The following SLC22A15 variants were observed in gnomAD, a reference collection of about 807,000 sequenced individuals.
The protein encoded by SLC22A15 is flipt 1.
Under a neutral mutation model 62.7 loss-of-function variants are expected in SLC22A15, and 45 were observed. The observed-to-expected ratio is 0.72, with a 90% confidence interval of 0.56 to 0.92. The LOEUF is 0.92. Ranked by LOEUF, SLC22A15 falls within the 40% of genes least tolerant of loss-of-function variation. The pLI, the probability that SLC22A15 is intolerant of heterozygous loss-of-function variation, is 0.00. For synonymous variants in SLC22A15, 264 were observed against 267.0 expected, an observed-to-expected ratio of 0.99 and a Z score of 0.11; for missense variants, 622 against 665.6, an observed-to-expected ratio of 0.93 and a Z score of 0.72.
chr1:116,032,719 A>T, intron 6 of SLC22A15: 1 of 891,372 alleles, frequency 1.1e-6, no homozygotes, highest in Non-Finnish European at 1.3e-6. Flanking sequence ...GATTAAGAAA[A>T]CCGTTGAAAG....
At chr1:116,000,428 A>G (rs1041816371) in intron 2 of SLC22A15, among the ~76,000 whole-genome samples, 3 of 152,006 alleles carry the variant, frequency 2.0e-5, no homozygotes, top group Admixed American at 6.6e-5. Flanking sequence ...TGTTGTTTCT[A>G]TTTATAACTT....
chr1:116,006,264 C>A (rs1324235502), intron 2 of SLC22A15, among the ~76,000 whole-genome samples: 3 of 152,092 alleles, frequency 2.0e-5, no homozygotes, highest in Non-Finnish European at 4.4e-5. Context: ...AGATCCTGCA[C>A]TCCAGGACAA....
chr1:115,982,498 A>G (rs1357609133), intron 1 of SLC22A15, among the ~76,000 whole-genome samples: 1 of 152,196 alleles, frequency 6.6e-6, no homozygotes, highest in Non-Finnish European at 1.5e-5. Context: ...AGGAACAACT[A>G]CATATTTTTT....
Position 115,976,536 on chromosome 1 carries a change from C to A in SLC22A15, c.-92C>A. The A allele has an allele frequency of 1.1e-6, 1 of 871,000 alleles. No individual in the cohort carries two copies. Among genetic ancestry groups the A allele is most frequent in the Non-Finnish European group, 1.6e-6 (1 of 608,176 alleles). 54.0% of individuals were successfully genotyped at this position (871,000 alleles called of 1,614,324 possible). A position where few individuals can be genotyped will look rare whatever the true frequency, so the allele number is the denominator to read the frequency against. ...CCATCCCCGCCCCGGCGGGTCCAAG[C>A]CGGTGCCGGGCGCCCAGGGGTTGCC... On this transcript the variant is annotated 5_prime_UTR_variant, in exon 1 of 12. Coordinates refer to ENST00000369503, the MANE Select transcript of SLC22A15 (RefSeq NM_018420.3).
intron 3 of SLC22A15, among the ~76,000 whole-genome samples, chr1:116,019,980 T>G (rs1570736339): frequency 6.6e-6 from 1 of 152,240 alleles, no homozygotes; most frequent in South Asian, 2.1e-4. Context: ...AACCCCCAAA[T>G]TTTAGTTTAT....
chr1:116,001,977 G>A (rs1397608297), intron 2 of SLC22A15, among the ~76,000 whole-genome samples: 2 of 152,096 alleles, frequency 1.3e-5, no homozygotes, highest in African/African-American at 4.8e-5. Context: ...TGTCTTTCTT[G>A]AGAAGGCTTT....
intron 1 of SLC22A15, among the ~76,000 whole-genome samples, chr1:115,988,180 ATGT>A (rs1433791498): frequency 5.3e-5 from 8 of 152,042 alleles, no homozygotes; most frequent in African/African-American, 1.7e-4. Flanking sequence ...TTTATTTGAG[ATGT>A]TGTTATTCCC....
At chr1:116,004,407 T>A (rs1557880883) in intron 2 of SLC22A15, among the ~76,000 whole-genome samples, 2 of 152,220 alleles carry the variant, frequency 1.3e-5, no homozygotes, top group South Asian at 4.1e-4. Flanking sequence ...GAATTTTTAT[T>A]ATGAATGTAT....
chr1:116,037,727 A>C (rs1178005491), intron 8 of SLC22A15, among the ~76,000 whole-genome samples: 1 of 152,078 alleles, frequency 6.6e-6, no homozygotes, highest in African/African-American at 2.4e-5. Flanking sequence ...TGCAAATTGC[A>C]CTCGTCATTA....
At chr1:116,009,794 G>T (rs1249598164) in intron 2 of SLC22A15, among the ~76,000 whole-genome samples, 1 of 152,078 alleles carries the variant, frequency 6.6e-6, no homozygotes, top group African/African-American at 2.4e-5. Context: ...GTAATGTTTG[G>T]TTCATATTGA....
At chr1:116,036,105 T>A (rs188665990) in intron 7 of SLC22A15, among the ~76,000 whole-genome samples, 1 of 152,270 alleles carries the variant, frequency 6.6e-6, no homozygotes, top group East Asian at 1.9e-4. Context: ...TGAAGGCTTG[T>A]CTCCCAGGGA....
chr1:115,997,797 CTGAT>C (rs1250558467), intron 2 of SLC22A15, among the ~76,000 whole-genome samples: 1 of 151,778 alleles, frequency 6.6e-6, no homozygotes, highest in Admixed American at 6.6e-5. Context: ...TTTCTCTTGT[CTGAT>C]TGCTGTAGCT....
At chr1:116,064,049 C>T (rs567286888) in intron 9 of SLC22A15, among the ~76,000 whole-genome samples, 32 of 152,302 alleles carry the variant, frequency 2.1e-4, no homozygotes, top group Admixed American at 9.8e-4. Flanking sequence ...TCCATGAGAA[C>T]TTTTAACTTA....
chr1:116,001,994 A>G (rs1423699598), intron 2 of SLC22A15, among the ~76,000 whole-genome samples: 1 of 152,162 alleles, frequency 6.6e-6, no homozygotes, highest in Non-Finnish European at 1.5e-5. Flanking sequence ...CTTTCAAAAT[A>G]TTCAAAACTA....
At chr1:116,047,118 C>T (rs1657947081) in intron 8 of SLC22A15, among the ~76,000 whole-genome samples, 2 of 152,132 alleles carry the variant, frequency 1.3e-5, no homozygotes, top group Non-Finnish European at 2.9e-5. Flanking sequence ...CCAACTAGCA[C>T]AACAATAGAG....
rs951176673 is a variant in SLC22A15 at position 116,068,565 on chromosome 1, T to C, written c.*1457T>C. 1.3e-5 allele frequency: 2 copies of C among 152,214 alleles called. No homozygotes were observed. The highest frequency in any genetic ancestry group is 4.8e-5 in the African/African-American group (2 of 41,464). 9.4% of individuals were successfully genotyped at this position (152,214 alleles called of 1,614,324 possible). On this transcript the variant is annotated 3_prime_UTR_variant, in exon 12 of 12. Transcript: ENST00000369503. Reference sequence around the variant, plus strand: ...TGTCTTTTATGCCCTTGATTATTAGTTGGGCTCTTCATAAACAGAGGCCAT... The same window carrying C: ...TGTCTTTTATGCCCTTGATTATTAGCTGGGCTCTTCATAAACAGAGGCCAT...
rs1570779511 is a variant in SLC22A15 at position 116,066,430 on chromosome 1, T to C, written c.1366-90T>C. ...GAGGTCATGAACTAGGTGGTAAACA[T>C]GACAGTTTTTCAGTCATGAGACTGC... is the stretch of plus-strand genomic sequence containing the variant. On this transcript the variant is annotated intron_variant, in intron 10 of 11. Coordinates refer to ENST00000369503, the MANE Select transcript of SLC22A15 (RefSeq NM_018420.3). 5.7e-5 allele frequency: 70 copies of C among 1,220,852 alleles called. No homozygotes were observed. The South Asian group carries it at 1.1e-3, about 19-fold the overall frequency. 75.6% of individuals were successfully genotyped at this position (1,220,852 alleles called of 1,614,324 possible).
intron 5 of SLC22A15, among the ~76,000 whole-genome samples, chr1:116,030,456 AAAAC>A (rs1004896456): frequency 2.0e-5 from 3 of 152,226 alleles, no homozygotes; most frequent in African/African-American, 7.2e-5. Flanking sequence ...ATTTAAAAAA[AAAAC>A]AACCTTGATT....
chr1:115,985,894 T>C (rs1654836512), intron 1 of SLC22A15, among the ~76,000 whole-genome samples: 1 of 139,012 alleles, frequency 7.2e-6, no homozygotes. Flanking sequence ...TACAGTGAGC[T>C]GAGATCGCGC....
Sources: gnomAD v4.1 joint callset for allele counts (sites outside exome capture counted in the v4.1 genomes callset) on GRCh38, gnomAD v4.1.1 for gene constraint, MANE v1.5 for transcripts, NCBI Gene and HGNC (gene_info 2026-07-23, HGNC 2026-07-21) for gene names.